CSNK1G1: variants seen among roughly 807,000 people sequenced by gnomAD.
CSNK1G1 encodes the protein casein kinase I isoform gamma-1.
Under a neutral mutation model 59.6 loss-of-function variants are expected in CSNK1G1, and 22 were observed. The observed-to-expected ratio is 0.37, with a 90% confidence interval of 0.26 to 0.53. The LOEUF (loss-of-function observed/expected upper bound fraction) is 0.53, where lower values mean the gene tolerates loss of function less well. CSNK1G1 is among the 20% of genes least tolerant of loss of function. The pLI is 0.89. For missense variants in CSNK1G1, 384 were observed against 519.5 expected, an observed-to-expected ratio of 0.74 and a Z score of 2.54; for synonymous variants, 179 against 177.1, an observed-to-expected ratio of 1.01 and a Z score of -0.08.
At chr15:64,187,186 T>G (rs1567361622) in intron 10 of CSNK1G1, among the ~76,000 whole-genome samples, 3 of 151,472 alleles carry the variant, frequency 2.0e-5, no homozygotes, top group Admixed American at 1.3e-4. Context: ...TCTTGTCCAA[T>G]CCATCATGGT....
intron 11 of CSNK1G1, among the ~76,000 whole-genome samples, chr15:64,173,619 CTTT>C (rs928192194): frequency 1.8e-5 from 2 of 108,564 alleles, no homozygotes; most frequent in Non-Finnish European, 1.9e-5. Context: ...CTTTTCTTTT[CTTT>C]TTTTTTTTTT....
At chr15:64,349,137 CAAAA>C (rs1258780843) in intron 1 of CSNK1G1, among the ~76,000 whole-genome samples, 3 of 54,672 alleles carry the variant, frequency 5.5e-5, no homozygotes, top group Admixed American at 2.0e-4. Context: ...AACTCCACCT[CAAAA>C]AAAAAAAAAA....
At chr15:64,348,657 T>A (rs1415331073) in intron 1 of CSNK1G1, among the ~76,000 whole-genome samples, 4 of 152,116 alleles carry the variant, frequency 2.6e-5, no homozygotes, top group Non-Finnish European at 5.9e-5. Flanking sequence ...GAGAGTGACC[T>A]CTAGGAAATG....
intron 2 of CSNK1G1, among the ~76,000 whole-genome samples, chr15:64,278,377 CGTGTGTGTGTGT>C (rs56064136): frequency 1.6e-3 from 180 of 111,484 alleles, no homozygotes; most frequent in African/African-American, 5.2e-3. Flanking sequence ...CATGTATGTG[CGTGTGTGTGTGT>C]GTGTGTGTGT....
chr15:64,180,239 G>T, intron 11 of CSNK1G1, 109 bp downstream of exon 11: 1 of 786,814 alleles, frequency 1.3e-6, no homozygotes, highest in Non-Finnish European at 2.2e-6. Flanking sequence ...AGAAAGCTGT[G>T]GTTACAAGCA....
chr15:64,312,075 G>A (rs548027583), intron 1 of CSNK1G1, among the ~76,000 whole-genome samples: 3 of 152,094 alleles, frequency 2.0e-5, no homozygotes, highest in Non-Finnish European at 4.4e-5. Context: ...TCTTCAAGGA[G>A]AACTACAAAC....
At chr15:64,282,784 A>G (rs1426055534) in intron 2 of CSNK1G1, among the ~76,000 whole-genome samples, 1 of 152,148 alleles carries the variant, frequency 6.6e-6, no homozygotes, top group Non-Finnish European at 1.5e-5. Flanking sequence ...AGCAGTGTAT[A>G]AAGACTCAGA....
intron 1 of CSNK1G1, among the ~76,000 whole-genome samples, chr15:64,316,444 G>A (rs2140430820): frequency 6.8e-6 from 1 of 147,476 alleles, no homozygotes; most frequent in South Asian, 2.1e-4. Context: ...GCTAAGGCAG[G>A]AGAATCAATG....
intron 6 of CSNK1G1, 69 bp downstream of exon 6, chr15:64,213,819 GGA>G: frequency 9.7e-7 from 1 of 1,027,306 alleles, no homozygotes; most frequent in Non-Finnish European, 1.5e-6. Flanking sequence ...TGCACAATGG[GGA>G]TATAATGTTA....
At chr15:64,183,632 G>A (rs75011254) in intron 10 of CSNK1G1, among the ~76,000 whole-genome samples, 11 of 151,970 alleles carry the variant, frequency 7.2e-5, no homozygotes, top group Admixed American at 7.2e-4. Context: ...TAAATATGAA[G>A]GGAATTAAAT....
chr15:64,320,818 T>C (rs1896524350), intron 1 of CSNK1G1, among the ~76,000 whole-genome samples: 1 of 152,156 alleles, frequency 6.6e-6, no homozygotes. Context: ...AATTAATTTT[T>C]TAAAATTTTT....
At chr15:64,273,599 A>C (rs1893444542) in intron 2 of CSNK1G1, among the ~76,000 whole-genome samples, 1 of 152,174 alleles carries the variant, frequency 6.6e-6, no homozygotes, top group Admixed American at 6.6e-5. Context: ...GATTACATGT[A>C]ATGTGAGGGA....
rs1555396879 is a variant in CSNK1G1 at position 64,238,518 on chromosome 15, A to AAAT, written c.292+12993_292+12994insATT. ...TTAAAAAAAAAAAAAAAAAAAAAAA[A>AAAT]ATATATATATATATATATATATATA... is the stretch of plus-strand genomic sequence containing the variant. On this transcript the variant is annotated intron_variant, in intron 4 of 11. Coordinates refer to ENST00000303052, the MANE Select transcript of CSNK1G1 (RefSeq NM_022048.5). Among the ~76,000 whole-genome samples, 335 of 49,170 alleles carry AAAT rather than the reference A, an allele frequency of 6.8e-3. 5 individuals are homozygous for AAAT. The highest frequency in any genetic ancestry group is 0.011 in the African/African-American group (91 of 8,504). 32.3% of individuals were successfully genotyped at this position (49,170 alleles called of 152,430 possible). A position where few individuals can be genotyped will look rare whatever the true frequency, so the allele number is the denominator to read the frequency against.
intron 4 of CSNK1G1, among the ~76,000 whole-genome samples, chr15:64,245,853 A>G (rs1486457813): frequency 6.6e-6 from 1 of 152,178 alleles, no homozygotes; most frequent in East Asian, 1.9e-4. Context: ...TAAGGTAGGC[A>G]GGGAAAGACA....
intron 7 of CSNK1G1, among the ~76,000 whole-genome samples, chr15:64,206,158 T>A (rs1043096295): frequency 6.6e-6 from 1 of 151,894 alleles, no homozygotes; most frequent in South Asian, 2.1e-4. Flanking sequence ...ATACAAAAAA[T>A]TGGCTGGGTG....
intron 4 of CSNK1G1, among the ~76,000 whole-genome samples, chr15:64,237,449 A>G: frequency 6.6e-6 from 1 of 152,138 alleles, no homozygotes; most frequent in Admixed American, 6.5e-5. Flanking sequence ...TTTCTACCCA[A>G]ATGAAGATCA....
chr15:64,259,867 A>C (rs1248116506), intron 2 of CSNK1G1, among the ~76,000 whole-genome samples: 1 of 152,184 alleles, frequency 6.6e-6, no homozygotes, highest in East Asian at 1.9e-4. Context: ...GCTAGACAAC[A>C]CTTACACATC....
rs1596138702 is a variant in CSNK1G1, at chr15:64,236,337, A to C, written c.292+15175T>G. Among the ~76,000 whole-genome samples, 2 of 152,176 alleles carry C rather than the reference A, an allele frequency of 1.3e-5. 1 individual carries two copies. Among genetic ancestry groups the C allele is most frequent in the East Asian group, 3.8e-4 (2 of 5,202 alleles). ...CATTCATACTTTTGCACAGCAAAAG[A>C]AATAATCAACAGGGAGAGGAGATAA... On this transcript the variant is annotated intron_variant, in intron 4 of 11. Transcript: ENST00000303052.
chr15:64,344,332 C>T (rs1338692473), intron 1 of CSNK1G1, among the ~76,000 whole-genome samples: 1 of 152,150 alleles, frequency 6.6e-6, no homozygotes, highest in Non-Finnish European at 1.5e-5. Flanking sequence ...TTACATAACA[C>T]TCTACTCTAG....
Sources: allele counts gnomAD v4.1 joint callset (sites outside exome capture counted in the v4.1 genomes callset), GRCh38; gene constraint gnomAD v4.1.1; transcripts MANE v1.5; gene names NCBI Gene and HGNC (gene_info 2026-07-23, HGNC 2026-07-21).